The following SPAG16 variants were observed in gnomAD, a reference collection of about 807,000 sequenced individuals.
SPAG16 encodes sperm-associated antigen 16 protein.
Under a neutral mutation model 80.4 loss-of-function variants are expected in SPAG16, and 86 were observed. The ratio of observed to expected loss-of-function variants is 1.07; its 90% CI spans 0.90 to 1.28. The LOEUF (loss-of-function observed/expected upper bound fraction) is 1.28, where lower values mean the gene tolerates loss of function less well. SPAG16 is among the 50% of genes most tolerant of loss of function. SPAG16 has a pLI of 0.00. For synonymous variants in SPAG16, 294 were observed against 265.9 expected, an observed-to-expected ratio of 1.11 and a Z score of -1.03; for missense variants, 870 against 765.3, an observed-to-expected ratio of 1.14 and a Z score of -1.61.
At chr2:214,324,395 A>G (rs952002829) in intron 15 of SPAG16, among the ~76,000 whole-genome samples, 3 of 152,228 alleles carry the variant, frequency 2.0e-5, no homozygotes, top group Admixed American at 2.0e-4. Context: ...TAAAGCTTTA[A>G]TAGGAACTTC....
intron 12 of SPAG16, among the ~76,000 whole-genome samples, chr2:213,989,145 G>C (rs1184181072): frequency 6.6e-6 from 1 of 152,116 alleles, no homozygotes; most frequent in African/African-American, 2.4e-5. Context: ...ACAATGGATT[G>C]AGACTGCTAG....
intron 10 of SPAG16, among the ~76,000 whole-genome samples, chr2:213,848,806 G>A (rs1451048409): frequency 6.6e-6 from 1 of 152,110 alleles, no homozygotes; most frequent in African/African-American, 2.4e-5. Flanking sequence ...TATAGTGAGT[G>A]CCAAACCCAG....
chr2:213,647,819 A>G (rs948395489), intron 10 of SPAG16, among the ~76,000 whole-genome samples: 4 of 152,196 alleles, frequency 2.6e-5, no homozygotes, highest in African/African-American at 9.7e-5. Context: ...AGGGTGCAAG[A>G]CATACCTCAA....
chr2:213,290,775 A>G (rs1375031754), intron 1 of SPAG16, among the ~76,000 whole-genome samples: 3 of 152,244 alleles, frequency 2.0e-5, no homozygotes, highest in South Asian at 2.1e-4. Flanking sequence ...AAGTAGAACC[A>G]GAGTGTACAG....
At chr2:214,331,376 G>A (rs563661621) in intron 15 of SPAG16, among the ~76,000 whole-genome samples, 27 of 152,272 alleles carry the variant, frequency 1.8e-4, no homozygotes, top group African/African-American at 6.0e-4. Context: ...TTGGCATGAT[G>A]AGCCTGAAGT....
intron 10 of SPAG16, among the ~76,000 whole-genome samples, chr2:213,601,959 G>T (rs2124975781): frequency 6.6e-6 from 1 of 152,334 alleles, no homozygotes; most frequent in East Asian, 1.9e-4. Flanking sequence ...ATCAGGCATT[G>T]GTTAGAGTCT....
chr2:213,654,640 C>G (rs1414592158), intron 10 of SPAG16, among the ~76,000 whole-genome samples: 1 of 150,896 alleles, frequency 6.6e-6, no homozygotes, highest in Non-Finnish European at 1.5e-5. Context: ...TGGCATGAAC[C>G]CAGGAGGCGG....
At chr2:213,996,401 A>G (rs2046514925) in intron 12 of SPAG16, among the ~76,000 whole-genome samples, 1 of 152,186 alleles carries the variant, frequency 6.6e-6, no homozygotes, top group African/African-American at 2.4e-5. Flanking sequence ...TATTATATTT[A>G]CTGAAAATAA....
At chr2:213,916,241 T>C (rs1185122000) in intron 11 of SPAG16, among the ~76,000 whole-genome samples, 3 of 152,140 alleles carry the variant, frequency 2.0e-5, no homozygotes, top group African/African-American at 7.2e-5. Context: ...GTTTTTATGG[T>C]TTTAGGTTTT....
chr2:213,856,581 A>G (rs907106277), intron 10 of SPAG16, among the ~76,000 whole-genome samples: 2 of 152,160 alleles, frequency 1.3e-5, no homozygotes, highest in African/African-American at 4.8e-5. Context: ...ATGTCTATAC[A>G]TCTTCGGAAA....
At chr2:213,729,822 A>G (rs1015088516) in intron 10 of SPAG16, among the ~76,000 whole-genome samples, 17 of 152,210 alleles carry the variant, frequency 1.1e-4, no homozygotes, top group Admixed American at 7.9e-4. Flanking sequence ...TTTTTGTGGA[A>G]GGTATTCTCT....
At chr2:214,000,245 G>A (rs193228056) in intron 12 of SPAG16, among the ~76,000 whole-genome samples, 58 of 152,138 alleles carry the variant, frequency 3.8e-4, no homozygotes, top group African/African-American at 1.2e-3. Context: ...TTATCAGAGC[G>A]GTTTCCCCCA....
intron 15 of SPAG16, among the ~76,000 whole-genome samples, chr2:214,194,318 A>G (rs570361593): frequency 4.6e-5 from 7 of 152,232 alleles, no homozygotes; most frequent in Admixed American, 1.3e-4. Flanking sequence ...TATATGCACT[A>G]ATACACATAT....
chr2:214,030,476 T>C (rs2048352112), intron 13 of SPAG16, among the ~76,000 whole-genome samples: 2 of 152,212 alleles, frequency 1.3e-5, no homozygotes, highest in Admixed American at 6.5e-5. Context: ...GCATTGTATA[T>C]TGACATTGTA....
chr2:213,363,349 A>G (rs1056428772), intron 7 of SPAG16, among the ~76,000 whole-genome samples: 2 of 151,924 alleles, frequency 1.3e-5, no homozygotes, highest in African/African-American at 4.8e-5. Flanking sequence ...TAGGCATTTC[A>G]TGAGCACTCA....
intron 1 of SPAG16, among the ~76,000 whole-genome samples, chr2:213,284,920 C>T (rs1430374877): frequency 6.6e-6 from 1 of 152,188 alleles, no homozygotes; most frequent in African/African-American, 2.4e-5. Context: ...TATGTTAAGA[C>T]AGCACAACAA....
chr2:213,407,997 G>T (rs1266236668), intron 9 of SPAG16, among the ~76,000 whole-genome samples: 1 of 141,012 alleles, frequency 7.1e-6, no homozygotes, highest in Non-Finnish European at 1.5e-5. Context: ...GAGAGAGGCA[G>T]AGAGAGACAG....
intron 12 of SPAG16, among the ~76,000 whole-genome samples, chr2:214,005,438 A>G (rs562626013): frequency 3.4e-4 from 51 of 152,130 alleles, no homozygotes; most frequent in Non-Finnish European, 5.9e-4. Flanking sequence ...ACAATGTTCA[A>G]TTTATTAGTA....
At chr2:214,281,427 G>T (rs4673816) in intron 15 of SPAG16, 68,926 of 188,804 alleles carry the variant, frequency 0.37, 12,866 homozygotes, top group East Asian at 0.53. Context: ...GTAGGCCTTA[G>T]TCTTAACAAC....
Sources: allele counts gnomAD v4.1 joint callset (sites outside exome capture counted in the v4.1 genomes callset), GRCh38; gene constraint gnomAD v4.1.1; transcripts MANE v1.5; gene names NCBI Gene and HGNC (gene_info 2026-07-23, HGNC 2026-07-21).